The following CXCL13 variants were observed in gnomAD, a reference collection of about 807,000 sequenced individuals.
The protein encoded by CXCL13 is C-X-C motif chemokine 13.
Under a neutral mutation model 12.2 loss-of-function variants are expected in CXCL13, and 7 were observed. The ratio of observed to expected loss-of-function variants is 0.57; its 90% CI spans 0.33 to 1.07. CXCL13 has a LOEUF of 1.07. Ranked by LOEUF, CXCL13 falls within the 50% of genes least tolerant of loss-of-function variation. CXCL13 has a pLI of 0.04. For synonymous variants in CXCL13, 47 were observed against 42.4 expected (o/e 1.11, Z -0.42); for missense variants, 113 against 127.4 (o/e 0.89, Z 0.55).
intron 1 of CXCL13, among the ~76,000 whole-genome samples, chr4:77,550,683 T>G (rs894458620): frequency 1.3e-5 from 2 of 152,228 alleles, no homozygotes; most frequent in African/African-American, 4.8e-5. Context: ...GTTTTCTGCC[T>G]TGATGATTTG....
intron 1 of CXCL13, among the ~76,000 whole-genome samples, chr4:77,546,270 G>T (rs924480872): frequency 6.6e-6 from 1 of 152,170 alleles, no homozygotes; most frequent in Admixed American, 6.5e-5. Flanking sequence ...CATAAAATGA[G>T]TTAAGGAGGA....
chr4:77,534,952 A>G (rs932957446), intron 1 of CXCL13, among the ~76,000 whole-genome samples: 2 of 152,244 alleles, frequency 1.3e-5, no homozygotes, highest in Admixed American at 1.3e-4. Context: ...CATTACAACA[A>G]AAGAAGTAAA....
intron 1 of CXCL13, among the ~76,000 whole-genome samples, chr4:77,551,973 C>G (rs1415725282): frequency 3.3e-5 from 5 of 152,048 alleles, no homozygotes; most frequent in Admixed American, 6.6e-5. Context: ...TTATCTCTTC[C>G]TTCATTTCCT....
intron 1 of CXCL13, among the ~76,000 whole-genome samples, chr4:77,553,314 A>G (rs1725578538): frequency 6.6e-6 from 1 of 152,188 alleles, no homozygotes; most frequent in Admixed American, 6.5e-5. Context: ...ATGTGCTCCA[A>G]TCTGTGGCCC....
chr4:77,530,623 C>T (rs1724887866), intron 1 of CXCL13, among the ~76,000 whole-genome samples: 1 of 151,836 alleles, frequency 6.6e-6, no homozygotes, highest in South Asian at 2.1e-4. Flanking sequence ...TGGTGATATC[C>T]CCTTTAACAT....
At chr4:77,538,937 T>C (rs1725136023) in intron 1 of CXCL13, among the ~76,000 whole-genome samples, 1 of 152,198 alleles carries the variant, frequency 6.6e-6, no homozygotes, top group Admixed American at 6.5e-5. Flanking sequence ...CAGAAAGAGC[T>C]CTAGGCAAGT....
chr4:77,590,383 AT>A (rs1726576300), intron 1 of CXCL13, among the ~76,000 whole-genome samples: 1 of 152,216 alleles, frequency 6.6e-6, no homozygotes, highest in Non-Finnish European at 1.5e-5. Context: ...GCTGTGGGGG[AT>A]TCACAGAGGC....
chr4:77,529,650 G>T (rs1371048149), intron 1 of CXCL13, among the ~76,000 whole-genome samples: 2 of 152,160 alleles, frequency 1.3e-5, no homozygotes, highest in East Asian at 3.8e-4. Context: ...TGCTGAAGTT[G>T]CCTATCGGCT....
intron 1 of CXCL13, among the ~76,000 whole-genome samples, chr4:77,598,397 C>T (rs1217387636): frequency 1.3e-5 from 2 of 152,290 alleles, no homozygotes; most frequent in Non-Finnish European, 2.9e-5. Context: ...ATCCCCAATC[C>T]CTTCGTCCCT....
intron 1 of CXCL13, among the ~76,000 whole-genome samples, chr4:77,571,489 G>C (rs1274644159): frequency 6.6e-6 from 1 of 151,802 alleles, no homozygotes; most frequent in Non-Finnish European, 1.5e-5. Flanking sequence ...TTTAGCTCAA[G>C]GTTTGTGAAT....
chr4:77,545,779 A>G (rs928369211), intron 1 of CXCL13, among the ~76,000 whole-genome samples: 8 of 152,260 alleles, frequency 5.3e-5, no homozygotes, highest in South Asian at 2.1e-4. Flanking sequence ...AACTTCCAAC[A>G]CTATGTTGAA....
chr4:77,531,071 G>T (rs1277146276), intron 1 of CXCL13, among the ~76,000 whole-genome samples: 1 of 149,314 alleles, frequency 6.7e-6, no homozygotes, highest in Non-Finnish European at 1.5e-5. Context: ...CAGTTTCCAT[G>T]TATTTGAGTG....
At chr4:77,596,739 C>T (rs1016609617) in intron 1 of CXCL13, among the ~76,000 whole-genome samples, 6 of 148,300 alleles carry the variant, frequency 4.0e-5, no homozygotes, top group Admixed American at 2.0e-4. Flanking sequence ...GAGCTGAGAC[C>T]GCGCCATTGC....
chr4:77,605,057 T>C (rs746929120), upstream of CXCL13, among the ~76,000 whole-genome samples: 4 of 152,156 alleles, frequency 2.6e-5, no homozygotes, highest in Non-Finnish European at 5.9e-5. Context: ...GACTGTAATA[T>C]GGGGTTCACC....
intron 1 of CXCL13, among the ~76,000 whole-genome samples, chr4:77,524,977 G>A (rs1260612932): frequency 1.3e-5 from 2 of 152,194 alleles, no homozygotes; most frequent in African/African-American, 4.8e-5. Flanking sequence ...AAATTCACAT[G>A]TTGGAAGCTT....
At chr4:77,597,841 C>G (rs150957024) in intron 1 of CXCL13, among the ~76,000 whole-genome samples, 1 of 152,290 alleles carries the variant, frequency 6.6e-6, no homozygotes, top group Non-Finnish European at 1.5e-5. Flanking sequence ...ACCTGCCCAC[C>G]ACCAGCACCT....
intron 1 of CXCL13, among the ~76,000 whole-genome samples, chr4:77,572,633 T>C (rs946889108): frequency 2.6e-5 from 4 of 151,760 alleles, no homozygotes; most frequent in Admixed American, 6.6e-5. Context: ...TTATAAAGTG[T>C]TGTTAGGATA....
At chr4:77,547,108 T>A (rs1394762833) in intron 1 of CXCL13, among the ~76,000 whole-genome samples, 1 of 152,178 alleles carries the variant, frequency 6.6e-6, no homozygotes, top group Non-Finnish European at 1.5e-5. Context: ...TGAGAGACAG[T>A]TTGTTGTGAT....
intron 1 of CXCL13, among the ~76,000 whole-genome samples, chr4:77,537,576 T>A (rs1026876541): frequency 6.6e-6 from 1 of 152,204 alleles, no homozygotes; most frequent in African/African-American, 2.4e-5. Flanking sequence ...TCCATCCCCA[T>A]GGGCTTGGTT....
Sources: allele counts gnomAD v4.1 joint callset (sites outside exome capture counted in the v4.1 genomes callset), GRCh38; gene constraint gnomAD v4.1.1; transcripts MANE v1.5; gene names NCBI Gene and HGNC (gene_info 2026-07-23, HGNC 2026-07-21).